PHACTR3: variants seen among roughly 807,000 people sequenced by gnomAD.
PHACTR3 encodes the protein protein phosphatase 1, regulatory subunit 123.
A neutral mutation model predicts 66.8 loss-of-function variants in PHACTR3; 16 were observed. That is an observed-to-expected ratio of 0.24 (90% CI 0.16 to 0.36). The LOEUF is 0.36. PHACTR3 is among the 10% of genes least tolerant of loss of function. The pLI is 1.00. For synonymous variants in PHACTR3, 323 were observed against 292.1 expected (o/e 1.11, Z -1.08); for missense variants, 647 against 719.9 (o/e 0.90, Z 1.16).
intron 1 of PHACTR3, among the ~76,000 whole-genome samples, chr20:59,686,031 A>C (rs1047448190): frequency 2.6e-5 from 4 of 152,170 alleles, no homozygotes; most frequent in Non-Finnish European, 5.9e-5. Flanking sequence ...TGTTTCATTC[A>C]TGTGGCATGG....
At chr20:59,705,044 C>T (rs759063241) in intron 1 of PHACTR3, among the ~76,000 whole-genome samples, 1 of 151,698 alleles carries the variant, frequency 6.6e-6, no homozygotes, top group Admixed American at 6.6e-5. Context: ...GCAACCTCCA[C>T]CTCCTGGGTT....
intron 3 of PHACTR3, 31 bp from the exon 4 acceptor site, chr20:59,755,151 A>C (rs1178427629): frequency 1.3e-6 from 2 of 1,599,418 alleles, no homozygotes; most frequent in African/African-American, 2.7e-5. Flanking sequence ...AGGGAGGTGC[A>C]GGCCCAGCTG....
chr20:59,773,390 T>C lies in PHACTR3; in HGVS notation c.863T>C (p.Leu288Pro). 1.2e-6 allele frequency: 2 copies of C among 1,614,138 alleles called. No individual in the cohort carries two copies. Among genetic ancestry groups the C allele is most frequent in the African/African-American group, 1.3e-5 (1 of 75,050 alleles). Residue 288 changes from leucine (L) to proline (P), a missense_variant, in exon 6 of 13, where the codon CTT becomes CCT. Physicochemically the swap from Leu to Pro is moderately conservative, Grantham distance 98. Transcript: ENST00000371015. ...SPHLTTVHRP[L>P]PPSRVIEELH... ...CATCTCACCACGGTCCACCGGCCTCTTCCCCCAAGCCGCGTCATTGAGGAG... is the reference window on the plus strand; with the variant it reads ...CATCTCACCACGGTCCACCGGCCTCCTCCCCCAAGCCGCGTCATTGAGGAG...
intron 3 of PHACTR3, among the ~76,000 whole-genome samples, chr20:59,750,586 A>G (rs1315037355): frequency 6.6e-6 from 1 of 152,166 alleles, no homozygotes; most frequent in Non-Finnish European, 1.5e-5. Flanking sequence ...GGCTTGGGTC[A>G]AGACGCCTCC....
intron 1 of PHACTR3, among the ~76,000 whole-genome samples, chr20:59,578,037 C>G (rs1047015890): frequency 1.1e-4 from 16 of 152,240 alleles, no homozygotes; most frequent in Non-Finnish European, 2.1e-4. Flanking sequence ...GCTGGCCACC[C>G]AAGGGAGGGC....
chr20:59,599,093 C>A (rs1443731787), intron 1 of PHACTR3, among the ~76,000 whole-genome samples: 1 of 152,222 alleles, frequency 6.6e-6, no homozygotes, highest in Non-Finnish European at 1.5e-5. Context: ...TCCTGGGGGA[C>A]TGAGGCAGCA....
At chr20:59,749,711 G>A (rs1020100357) in intron 3 of PHACTR3, among the ~76,000 whole-genome samples, 10 of 152,262 alleles carry the variant, frequency 6.6e-5, no homozygotes, top group Middle Eastern at 3.4e-3. Context: ...AAAGGCAGCC[G>A]GAGACAAAAC....
intron 1 of PHACTR3, among the ~76,000 whole-genome samples, chr20:59,684,611 G>A (rs1361060696): frequency 6.6e-6 from 1 of 152,240 alleles, no homozygotes; most frequent in African/African-American, 2.4e-5. Context: ...CTCTCAGCAT[G>A]AGAAGGGATT....
chr20:59,845,154 A>T, intron 11 of PHACTR3, 35 bp from the exon 12 acceptor site: 1 of 1,319,284 alleles, frequency 7.6e-7, no homozygotes, highest in Non-Finnish European at 1.1e-6. Context: ...TTTTTTTAAT[A>T]TCCTGTAAAA....
At chr20:59,674,747 TCTGGTTC>T (rs2036370009) in intron 1 of PHACTR3, among the ~76,000 whole-genome samples, 1 of 66,372 alleles carries the variant, frequency 1.5e-5, no homozygotes, top group African/African-American at 6.5e-5. Context: ...TCCCCCCTTC[TCTGGTTC>T]CCTCCTTCTC....
chr20:59,767,548 C>A (rs868334806), intron 5 of PHACTR3, among the ~76,000 whole-genome samples, 153 bp downstream of exon 5: 5 of 152,348 alleles, frequency 3.3e-5, no homozygotes, highest in Admixed American at 3.3e-4. Context: ...GATTGGGCAC[C>A]AACTGTGGGC....
At chr20:59,646,315 G>T (rs1354328973) in intron 1 of PHACTR3, among the ~76,000 whole-genome samples, 2 of 152,140 alleles carry the variant, frequency 1.3e-5, no homozygotes, top group Non-Finnish European at 2.9e-5. Context: ...TAAAAAATTG[G>T]GTTGGTTCTG....
chr20:59,769,811 C>A (rs2146879071), intron 5 of PHACTR3, among the ~76,000 whole-genome samples: 1 of 152,342 alleles, frequency 6.6e-6, no homozygotes, highest in Non-Finnish European at 1.5e-5. Flanking sequence ...CTGCATCTTT[C>A]TACATCTCTG....
intron 1 of PHACTR3, among the ~76,000 whole-genome samples, chr20:59,702,497 C>T (rs547694559): frequency 2.0e-5 from 3 of 152,226 alleles, no homozygotes; most frequent in Non-Finnish European, 4.4e-5. Context: ...TTGCATGCTG[C>T]CAAGCAAATG....
At chr20:59,635,149 T>TTCTTTTTTTTTCTTTCTTTCC (rs1555881160) in intron 1 of PHACTR3, among the ~76,000 whole-genome samples, 1 of 60,376 alleles carries the variant, frequency 1.7e-5, no homozygotes, top group Non-Finnish European at 3.1e-5. Flanking sequence ...CTTTCTTTCT[T>TTCTTTTTTTTTCTTTCTTTCC]TTTCTTTCTT....
chr20:59,769,577 G>A (rs948270823), intron 5 of PHACTR3, among the ~76,000 whole-genome samples: 4 of 152,214 alleles, frequency 2.6e-5, no homozygotes, highest in African/African-American at 9.6e-5. Flanking sequence ...TGCCCAAGGA[G>A]CCATACACGC....
intron 1 of PHACTR3, among the ~76,000 whole-genome samples, chr20:59,618,873 TAG>T (rs1020179481): frequency 5.9e-5 from 9 of 152,184 alleles, no homozygotes; most frequent in Non-Finnish European, 7.4e-5. Context: ...TGGAACTGTT[TAG>T]AGAGAGTCTG....
chr20:59,736,687 C>T lies in PHACTR3; in HGVS notation c.119-6420C>T, dbSNP rs73144860. 0.025 allele frequency among the ~76,000 whole-genome samples: 3,752 copies of T among 152,264 alleles called. 90 individuals are homozygous for T. Among genetic ancestry groups the T allele is most frequent in the Non-Finnish European group, 0.039 (2,626 of 67,998 alleles). ...GTGCCGTGGATGACCACACCTGCCC[C>T]GCTGTACACCTGCAGTGATGGGCTC... On this transcript the variant is annotated intron_variant, in intron 1 of 12. Coordinates refer to ENST00000371015, the MANE Select transcript of PHACTR3 (RefSeq NM_080672.5). This position sits in a 1 kb window ranked among gnomAD's most constrained non-coding sequence, Gnocchi z 4.6.
chr20:59,592,165 C>T (rs1231468925), intron 1 of PHACTR3, among the ~76,000 whole-genome samples: 1 of 152,132 alleles, frequency 6.6e-6, no homozygotes, highest in Admixed American at 6.5e-5. Context: ...CAAGCAGAAC[C>T]CATCTCAGGG....
Sources: allele counts gnomAD v4.1 joint callset (sites outside exome capture counted in the v4.1 genomes callset), GRCh38; gene constraint gnomAD v4.1.1; non-coding constraint Gnocchi (gnomAD v3.1); transcripts MANE v1.5; gene names NCBI Gene and HGNC (gene_info 2026-07-23, HGNC 2026-07-21).